The following COL4A6 variants were observed in gnomAD, a reference collection of about 807,000 sequenced individuals.
The protein encoded by COL4A6 is collagen alpha-6(IV) chain.
Under a neutral mutation model 126.7 loss-of-function variants are expected in COL4A6, and 59 were observed. The observed-to-expected ratio is 0.47, with a 90% CI of 0.38 to 0.58. The LOEUF (loss-of-function observed/expected upper bound fraction) is 0.58, where lower values mean the gene tolerates loss of function less well. Among genes scored for constraint, COL4A6 ranks in the 20% least tolerant of loss-of-function variants. The pLI is 0.00. For missense variants in COL4A6, 1,285 were observed against 1,337.3 expected (o/e 0.96, Z 0.61); for synonymous variants, 547 against 496.6 (o/e 1.10, Z -1.35).
intron 6 of COL4A6, among the ~76,000 whole-genome samples, chrX:108,213,049 C>T (rs1036683909): frequency 9.0e-6 from 1 of 111,515 alleles, no homozygotes; most frequent in Admixed American, 9.5e-5. Flanking sequence ...TCCCCACCCC[C>T]CGGCATATTG....
intron 3 of COL4A6, among the ~76,000 whole-genome samples, chrX:108,307,489 G>T (rs1181453426): frequency 8.9e-6 from 1 of 112,178 alleles, no homozygotes; most frequent in East Asian, 2.8e-4. Context: ...ATCCAAAAAG[G>T]GTTGGATTGC....
intron 3 of COL4A6, among the ~76,000 whole-genome samples, chrX:108,260,538 C>T (rs1338441985): frequency 9.0e-6 from 1 of 110,542 alleles, no homozygotes; most frequent in Non-Finnish European, 1.9e-5. Flanking sequence ...ACAGGAGTTT[C>T]CCTGCACAAG....
chrX:108,298,260 G>A (rs1185049243), intron 3 of COL4A6, among the ~76,000 whole-genome samples: 1 of 112,335 alleles, frequency 8.9e-6, no homozygotes, highest in Non-Finnish European at 1.9e-5. Flanking sequence ...CCCAGGCTGC[G>A]TTTGTCTTTG....
At chrX:108,206,489 A>T in intron 9 of COL4A6, 29 bp downstream of exon 9, 1 of 1,180,535 alleles carries the variant, frequency 8.5e-7, no homozygotes, top group African/African-American at 1.7e-5. Flanking sequence ...GAACACTGTG[A>T]TCACAAACTA....
At chrX:108,190,800 C>T (rs1451161864) in intron 19 of COL4A6, among the ~76,000 whole-genome samples, 1 of 112,205 alleles carries the variant, frequency 8.9e-6, no homozygotes, top group African/African-American at 3.2e-5. Context: ...CCAATGTCTA[C>T]CCCAGAAACC....
intron 2 of COL4A6, among the ~76,000 whole-genome samples, chrX:108,342,936 G>A (rs1432385081): frequency 9.2e-6 from 1 of 109,007 alleles, no homozygotes; most frequent in African/African-American, 3.4e-5. Context: ...GAAAACAAGT[G>A]GGACATGAGT....
chrX:108,206,578 G>C lies in COL4A6; in HGVS notation c.549C>G (p.Gly183=). The change falls in exon 9 of 45, where the codon GGC becomes GGG. Residue 183 remains glycine (G), a splice_region_variant and synonymous_variant. Transcript: ENST00000334504. Reference sequence around the variant, plus strand: ...CAGGAAATCCGGGTGCTCCTTGTGGGCCCTAGAGAGGCAAGTTTTTACCAA... The same window carrying C: ...CAGGAAATCCGGGTGCTCCTTGTGGCCCCTAGAGAGGCAAGTTTTTACCAA... ...PGLPGLDGIT[G]PQGAPGFPGA... is the part of the protein sequence containing the mutation. 1 of 1,208,225 alleles carries C rather than the reference G, an allele frequency of 8.3e-7. No homozygotes were observed. The highest frequency in any genetic ancestry group is 1.1e-6 in the Non-Finnish European group (1 of 893,078).
chrX:108,237,953 ATG>A (rs753043827), intron 3 of COL4A6, among the ~76,000 whole-genome samples: 2 of 107,035 alleles, frequency 1.9e-5, no homozygotes, highest in Non-Finnish European at 3.9e-5. Context: ...ATCAATCTCG[ATG>A]TGTCTCTGTT....
rs963347624 is a variant in COL4A6 at position 108,391,197 on chromosome X, C to T, written c.63+46745G>A. On this transcript the variant is annotated intron_variant, in intron 2 of 44. Transcript: ENST00000334504. ...TGAAGGGCCCACTTGAGCAGGCAGT[C>T]AGTCCCTTATCAGAGCACAAACGCT... Among the ~76,000 whole-genome samples, 10 of 111,882 alleles carry T rather than the reference C, an allele frequency of 8.9e-5. No individual in the cohort carries two copies. In the Admixed American group the frequency reaches 9.4e-4, roughly 11 times the overall value.
At chrX:108,269,716 T>G (rs2037399714) in intron 3 of COL4A6, among the ~76,000 whole-genome samples, 1 of 112,232 alleles carries the variant, frequency 8.9e-6, no homozygotes, top group Admixed American at 9.5e-5. Flanking sequence ...TATTTTGGTG[T>G]TTGAGGCCAT....
chrX:108,343,401 C>T (rs146025566), intron 2 of COL4A6, among the ~76,000 whole-genome samples: 1,586 of 109,783 alleles, frequency 0.014, 24 homozygotes, highest in African/African-American at 0.05. Context: ...TTCTCAAGGT[C>T]TATTTTTGGT....
At chrX:108,383,402 G>C (rs1461372087) in intron 2 of COL4A6, 6 of 481,871 alleles carry the variant, frequency 1.2e-5, no homozygotes, top group Non-Finnish European at 1.9e-5. Context: ...CCTGACTCAA[G>C]CAGCATCCTC....
chrX:108,202,233 C>A (rs185197402), intron 13 of COL4A6, among the ~76,000 whole-genome samples: 2 of 111,849 alleles, frequency 1.8e-5, no homozygotes, highest in African/African-American at 6.5e-5. Flanking sequence ...ACCCTTCTTT[C>A]ATCTTTTATA....
At chrX:108,251,538 T>C (rs926426324) in intron 3 of COL4A6, among the ~76,000 whole-genome samples, 11 of 112,033 alleles carry the variant, frequency 9.8e-5, no homozygotes, top group Non-Finnish European at 1.9e-4. Context: ...ATAGTACTTA[T>C]CATAATTTTA....
At chrX:108,327,604 T>C (rs1356518547) in intron 2 of COL4A6, among the ~76,000 whole-genome samples, 2 of 109,971 alleles carry the variant, frequency 1.8e-5, no homozygotes, top group African/African-American at 6.6e-5. Context: ...AATTTATCTA[T>C]AGTGACAGAA....
intron 3 of COL4A6, among the ~76,000 whole-genome samples, chrX:108,307,291 A>T (rs1376865033): frequency 8.9e-6 from 1 of 111,889 alleles, no homozygotes; most frequent in Non-Finnish European, 1.9e-5. Flanking sequence ...TGGCTAAATA[A>T]GGTTTAGCTA....
At chrX:108,211,793 T>C (rs1292397009) in intron 6 of COL4A6, 53 bp from the exon 7 acceptor site, 1 of 1,056,077 alleles carries the variant, frequency 9.5e-7, no homozygotes. Context: ...ACAGTCTTTT[T>C]AATTGCATTA....
intron 2 of COL4A6, among the ~76,000 whole-genome samples, chrX:108,355,810 T>G (rs970997944): frequency 2.7e-5 from 3 of 112,011 alleles, no homozygotes; most frequent in African/African-American, 9.7e-5. Context: ...CAGCAGATAA[T>G]TAGCAGGCAG....
intron 25 of COL4A6, 92 bp from the exon 26 acceptor site, chrX:108,179,530 A>T: frequency 3.0e-6 from 2 of 661,099 alleles, no homozygotes; most frequent in Non-Finnish European, 4.5e-6. Flanking sequence ...TCTAATATGA[A>T]AGCTAACATA....
Sources: gnomAD v4.1 joint callset for allele counts (sites outside exome capture counted in the v4.1 genomes callset) on GRCh38, gnomAD v4.1.1 for gene constraint, MANE v1.5 for transcripts, NCBI Gene and HGNC (gene_info 2026-07-23, HGNC 2026-07-21) for gene names.